The following MYL12B variants were observed in gnomAD, a reference collection of about 807,000 sequenced individuals.
MYL12B encodes the protein myosin light chain 12B.
MYL12B carries 3 observed loss-of-function variants against 12.9 expected under a neutral mutation model. The observed-to-expected ratio is 0.23, with a 90% CI of 0.11 to 0.60. The LOEUF (loss-of-function observed/expected upper bound fraction) is 0.60, where lower values mean the gene tolerates loss of function less well. Among genes scored for constraint, MYL12B ranks in the 20% least tolerant of loss-of-function variants. MYL12B has a pLI of 0.89. For synonymous variants in MYL12B, 57 were observed against 71.9 expected (o/e 0.79, Z 1.05); for missense variants, 120 against 215.4 (o/e 0.56, Z 2.77).
intron 1 of MYL12B, among the ~76,000 whole-genome samples, chr18:3,269,323 A>G (rs1462462606): frequency 6.6e-6 from 1 of 152,188 alleles, no homozygotes; most frequent in Non-Finnish European, 1.5e-5. Context: ...GGGATAGTGA[A>G]GAGGCCATAG....
rs1598811413 is a variant in MYL12B, at chr18:3,278,018, C to T, written c.*81C>T. 1 of 1,503,172 alleles carries T rather than the reference C, an allele frequency of 6.7e-7. No individual in the cohort carries two copies. The highest frequency in any genetic ancestry group is 2.4e-5 in the East Asian group (1 of 40,854). 93.1% of individuals were successfully genotyped at this position (1,503,172 alleles called of 1,614,324 possible). ...GACACTTCCCCCACCCTCATAGAACCTGTTGCATGCAACTTAGTTTCACAG... is the reference window on the plus strand; with the variant it reads ...GACACTTCCCCCACCCTCATAGAACTTGTTGCATGCAACTTAGTTTCACAG... On this transcript the variant is annotated 3_prime_UTR_variant, in exon 4 of 4. Transcript: ENST00000237500.
intron 1 of MYL12B, chr18:3,271,954 C>T (rs1342722254): frequency 3.5e-6 from 2 of 567,780 alleles, no homozygotes; most frequent in African/African-American, 4.1e-5. Context: ...TCTGTAATCC[C>T]AGCAGTTTGG....
At chr18:3,266,811 C>T (rs1386293594) in intron 1 of MYL12B, among the ~76,000 whole-genome samples, 1 of 152,096 alleles carries the variant, frequency 6.6e-6, no homozygotes, top group Non-Finnish European at 1.5e-5. Context: ...ACTAAATGAA[C>T]CTCTGTGCAG....
Position 3,277,796 on chromosome 18 carries a change from G to C in MYL12B, c.378G>C (p.Leu126=). The change falls in exon 4 of 4, where the codon CTG becomes CTC. Residue 126 remains leucine (L), a synonymous_variant. Coordinates refer to ENST00000237500, the MANE Select transcript of MYL12B (RefSeq NM_033546.4). ...GTIQEDYLRE[L]LTTMGDRFTD... ...TTCAGGAAGATTACCTAAGAGAGCT[G>C]CTGACAACCATGGGGGATCGGTTTA... 1 of 1,613,722 alleles carries C rather than the reference G, an allele frequency of 6.2e-7. No homozygotes were observed. Among genetic ancestry groups the C allele is most frequent in the Non-Finnish European group, 8.5e-7 (1 of 1,179,854 alleles).
intron 1 of MYL12B, among the ~76,000 whole-genome samples, chr18:3,270,465 G>C (rs948877893): frequency 2.6e-5 from 4 of 152,120 alleles, no homozygotes; most frequent in African/African-American, 7.2e-5. Flanking sequence ...GTCACCATCA[G>C]ATGGTGATGG....
rs765098816 is a variant in MYL12B, at chr18:3,277,726, A to G, written c.347-39A>G. On this transcript the variant is annotated intron_variant, in intron 3 of 3. Transcript: ENST00000237500. ...GGAATGAACCATCAAAGTGCCAGGAAGTATTGATGACTGCTTTCTTCTTTC... is the reference window on the plus strand; with the variant it reads ...GGAATGAACCATCAAAGTGCCAGGAGGTATTGATGACTGCTTTCTTCTTTC... 13 of 1,579,042 alleles carry G rather than the reference A, an allele frequency of 8.2e-6. No homozygotes were observed. The Admixed American group carries it at 2.4e-4, about 29-fold the overall frequency.
rs373625506 is a variant in MYL12B at position 3,277,678 on chromosome 18, T to A, written c.347-87T>A. Reference sequence around the variant, plus strand: ...TTATAGATATGGATATTCTGAAATATTTTATACGATTGACAAGCTTTAGGA... The same window carrying A: ...TTATAGATATGGATATTCTGAAATAATTTATACGATTGACAAGCTTTAGGA... On this transcript the variant is annotated intron_variant, in intron 3 of 3. Coordinates refer to ENST00000237500, the MANE Select transcript of MYL12B (RefSeq NM_033546.4). The A allele has an allele frequency of 1.1e-4, 153 of 1,449,712 alleles. 1 individual carries two copies. In the African/African-American group the frequency reaches 2.0e-3, roughly 19 times the overall value. 89.8% of individuals were successfully genotyped at this position (1,449,712 alleles called of 1,614,324 possible).
At chr18:3,274,166 C>A (rs544462757) in intron 2 of MYL12B, among the ~76,000 whole-genome samples, 1 of 152,300 alleles carries the variant, frequency 6.6e-6, no homozygotes, top group Admixed American at 6.5e-5. Context: ...TAGTGTTTCT[C>A]ACATTCAGAA....
intron 3 of MYL12B, 100 bp from the exon 4 acceptor site, chr18:3,277,665 A>T (rs1452523678): frequency 1.4e-5 from 19 of 1,399,246 alleles, no homozygotes; most frequent in Non-Finnish European, 1.8e-5. Context: ...ATAGATATGG[A>T]TATTCTGAAA....
Position 3,265,187 on chromosome 18 carries a change from A to G in MYL12B, c.-16+2950A>G, listed in dbSNP as rs956593482. ...AATACTTCTAATAATTTATGGAACT[A>G]TTTTTTTGCCTAAATATGCAGCACA... On this transcript the variant is annotated intron_variant, in intron 1 of 3. Coordinates refer to ENST00000237500, the MANE Select transcript of MYL12B (RefSeq NM_033546.4). Among the ~76,000 whole-genome samples, 7 of 152,258 alleles carry G rather than the reference A, an allele frequency of 4.6e-5. No homozygotes were observed. The South Asian group carries it at 8.3e-4, about 18-fold the overall frequency.
At chr18:3,277,002 TAATG>T (rs1452592888) in intron 2 of MYL12B, 2 of 981,318 alleles carry the variant, frequency 2.0e-6, no homozygotes, top group Non-Finnish European at 2.4e-6. Flanking sequence ...TAATGAAAAA[TAATG>T]AACAGAAAGT....
intron 1 of MYL12B, among the ~76,000 whole-genome samples, chr18:3,264,746 C>G (rs1323020342): frequency 6.6e-6 from 1 of 152,150 alleles, no homozygotes; most frequent in African/African-American, 2.4e-5. Flanking sequence ...TGAATATATA[C>G]TGTACAATTC....
At chr18:3,277,585 A>C (rs1399167285) in intron 3 of MYL12B, among the ~76,000 whole-genome samples, 171 bp downstream of exon 3, 1 of 152,238 alleles carries the variant, frequency 6.6e-6, no homozygotes, top group African/African-American at 2.4e-5. Flanking sequence ...ATTAACACAG[A>C]ACTCTAAGAA....
At position 3,272,964 on chromosome 18, in the gene MYL12B, G is replaced by A; in HGVS notation, c.66G>A (p.Val22=). Residue 22 remains valine (V), a synonymous_variant, in exon 2 of 4, where the codon GTG becomes GTA. Transcript: ENST00000237500. ...GCCCTCAGCGTGCAACATCCAATGT[G>A]TTTGCCATGTTTGACCAGTCACAGA... ...KKRPQRATSN[V]FAMFDQSQIQ... is the part of the protein sequence containing the mutation. 1 of 1,611,678 alleles carries A rather than the reference G, an allele frequency of 6.2e-7. No homozygotes were observed. Among genetic ancestry groups the A allele is most frequent in the Non-Finnish European group, 8.5e-7 (1 of 1,179,348 alleles).
At chr18:3,270,406 GT>G (rs1161187323) in intron 1 of MYL12B, among the ~76,000 whole-genome samples, 2 of 152,066 alleles carry the variant, frequency 1.3e-5, no homozygotes, top group African/African-American at 4.8e-5. Context: ...TTAGTGAATT[GT>G]TTTTTGTTCT....
chr18:3,271,995 G>T (rs1215635043), intron 1 of MYL12B: 2 of 923,886 alleles, frequency 2.2e-6, no homozygotes, highest in African/African-American at 3.6e-5. Context: ...TTCAAGATCA[G>T]ACTGGGCAAT....
intron 2 of MYL12B, chr18:3,276,448 A>G: frequency 3.0e-6 from 3 of 984,904 alleles, no homozygotes; most frequent in Non-Finnish European, 3.6e-6. Context: ...CTGCACTAAA[A>G]GAAGTGTTCA....
chr18:3,272,156 AGATGAGACCTT>A, intron 1 of MYL12B: 1 of 869,846 alleles, frequency 1.1e-6, no homozygotes, highest in Non-Finnish European at 1.3e-6. Flanking sequence ...ATATTTATAA[AGATGAGACCTT>A]TTTTGAACAT....
intron 1 of MYL12B, among the ~76,000 whole-genome samples, chr18:3,271,302 A>T (rs2144359631): frequency 6.6e-6 from 1 of 152,316 alleles, no homozygotes; most frequent in Non-Finnish European, 1.5e-5. Context: ...GGACTTGTAT[A>T]TGGGGAGGGT....
Sources: allele counts gnomAD v4.1 joint callset (sites outside exome capture counted in the v4.1 genomes callset), GRCh38; gene constraint gnomAD v4.1.1; transcripts MANE v1.5; gene names NCBI Gene and HGNC (gene_info 2026-07-23, HGNC 2026-07-21).